The following CD96 variants were observed in gnomAD, a reference collection of about 807,000 sequenced individuals.
CD96 encodes CD96 molecule, also known as T-cell surface protein tactile.
CD96 carries 70 observed loss-of-function variants against 71.3 expected under a neutral mutation model. The observed-to-expected ratio is 0.98, with a 90% CI of 0.81 to 1.20. CD96 has a LOEUF of 1.20. Ranked by LOEUF, CD96 falls within the 50% of genes most tolerant of loss-of-function variation. The pLI is 0.00. For missense variants in CD96, 742 were observed against 677.5 expected (o/e 1.10, Z -1.06); for synonymous variants, 248 against 233.0 (o/e 1.06, Z -0.59).
chr3:111,562,213 T>C (rs1178071796), intron 2 of CD96, among the ~76,000 whole-genome samples: 1 of 152,220 alleles, frequency 6.6e-6, no homozygotes, highest in Non-Finnish European at 1.5e-5. Context: ...CTGTTCCTAT[T>C]CGGCCATCTT....
chr3:111,546,990 G>A (rs986360330), intron 2 of CD96, among the ~76,000 whole-genome samples: 2 of 149,780 alleles, frequency 1.3e-5, no homozygotes, highest in Non-Finnish European at 3.0e-5. Context: ...TTGAAGTAAA[G>A]AGAAATGGAA....
intron 11 of CD96, among the ~76,000 whole-genome samples, chr3:111,637,725 C>T (rs909701880): frequency 3.3e-5 from 5 of 151,974 alleles, no homozygotes; most frequent in Non-Finnish European, 2.9e-5. Context: ...TGGCCTTTTT[C>T]TGTACCACTT....
chr3:111,580,961 C>A (rs1218945194), intron 4 of CD96, among the ~76,000 whole-genome samples: 6 of 152,118 alleles, frequency 3.9e-5, no homozygotes, highest in African/African-American at 1.4e-4. Flanking sequence ...AAGCTGTGTC[C>A]CCTATTGATC....
intron 4 of CD96, among the ~76,000 whole-genome samples, chr3:111,581,113 G>A (rs1419133893): frequency 1.3e-5 from 2 of 151,786 alleles, no homozygotes; most frequent in Non-Finnish European, 2.9e-5. Flanking sequence ...TCACCCTATT[G>A]GATTCTACAG....
At chr3:111,605,646 A>G (rs1037111425) in intron 7 of CD96, among the ~76,000 whole-genome samples, 4 of 152,196 alleles carry the variant, frequency 2.6e-5, no homozygotes, top group Admixed American at 2.6e-4. Context: ...GTAGTGGATC[A>G]GAGCTAGCTA....
chr3:111,591,331 C>T (rs1253490446), intron 5 of CD96, among the ~76,000 whole-genome samples: 2 of 140,580 alleles, frequency 1.4e-5, no homozygotes, highest in Non-Finnish European at 3.0e-5. Flanking sequence ...CAAGATCGCG[C>T]CACTGCACTC....
At chr3:111,566,637 G>A (rs1387425725) in intron 2 of CD96, among the ~76,000 whole-genome samples, 2 of 152,050 alleles carry the variant, frequency 1.3e-5, no homozygotes, top group East Asian at 1.9e-4. Flanking sequence ...AACTTCTTTT[G>A]ATGCTATAGT....
chr3:111,584,502 A>T (rs1936613031), intron 4 of CD96, among the ~76,000 whole-genome samples: 1 of 152,214 alleles, frequency 6.6e-6, no homozygotes, highest in Non-Finnish European at 1.5e-5. Context: ...CTGCTGATAA[A>T]GACATACCCA....
chr3:111,637,300 T>C, intron 11 of CD96, 39 bp downstream of exon 11: 3 of 1,105,644 alleles, frequency 2.7e-6, no homozygotes, highest in Non-Finnish European at 4.2e-6. Context: ...CTGAAGCTAG[T>C]GGTCAGCTTT....
At chr3:111,618,870 C>A (rs1938380715) in intron 8 of CD96, among the ~76,000 whole-genome samples, 1 of 152,046 alleles carries the variant, frequency 6.6e-6, no homozygotes, top group Non-Finnish European at 1.5e-5. Flanking sequence ...TGCGCCCGGC[C>A]TCGCTTTTTT....
In CD96 at chr3:111,651,246, T is replaced by A. The variant is rs1940062139; in HGVS notation, c.*1440T>A. On this transcript the variant is annotated 3_prime_UTR_variant, in exon 14 of 14. Transcript: ENST00000352690. ...CTCTTGTGGTGGCCAGCCTCCAAGA[T>A]GAGCCCCAGTGTTCTTGCCTCCTAC... is the stretch of plus-strand genomic sequence containing the variant. 6.6e-6 allele frequency: 1 copy of A among 152,244 alleles called. No individual in the cohort carries two copies. 9.4% of individuals were successfully genotyped at this position (152,244 alleles called of 1,614,324 possible). A position where few individuals can be genotyped will look rare whatever the true frequency, so the allele number is the denominator to read the frequency against.
chr3:111,641,609 AGAAACAATGGATTTAAACTATACCTT>A (rs1339432613), intron 12 of CD96, among the ~76,000 whole-genome samples: 1 of 152,258 alleles, frequency 6.6e-6, no homozygotes, highest in African/African-American at 2.4e-5. Flanking sequence ...AAATCAACAA[AGAAACAATGGATTTAAACTATACCTT>A]GAAACAAATG....
chr3:111,606,433 T>G (rs1047897676), intron 7 of CD96, among the ~76,000 whole-genome samples: 2 of 152,340 alleles, frequency 1.3e-5, no homozygotes, highest in Non-Finnish European at 2.9e-5. Flanking sequence ...CCCTTCGTTG[T>G]GTTCCTGTGG....
At chr3:111,555,062 A>G (rs561211613) in intron 2 of CD96, among the ~76,000 whole-genome samples, 7 of 152,296 alleles carry the variant, frequency 4.6e-5, no homozygotes, top group African/African-American at 1.7e-4. Context: ...GATGGGGAGT[A>G]GCTGTAAATA....
chr3:111,609,237 A>G (rs1405826401), intron 8 of CD96, among the ~76,000 whole-genome samples: 1 of 152,208 alleles, frequency 6.6e-6, no homozygotes, highest in Non-Finnish European at 1.5e-5. Flanking sequence ...TACCAAAAAA[A>G]CAGGGATGAA....
intron 3 of CD96, among the ~76,000 whole-genome samples, chr3:111,574,081 A>T (rs1936112309): frequency 6.6e-6 from 1 of 152,188 alleles, no homozygotes; most frequent in Non-Finnish European, 1.5e-5. Context: ...GTTTGGAGAA[A>T]AAAGGAGTAG....
At chr3:111,551,667 G>GT (rs1934712854) in intron 2 of CD96, among the ~76,000 whole-genome samples, 1 of 151,968 alleles carries the variant, frequency 6.6e-6, no homozygotes, top group Non-Finnish European at 1.5e-5. Flanking sequence ...CATCACCCAG[G>GT]TATTAAGCCC....
intron 5 of CD96, chr3:111,594,269 G>A (rs545600978): frequency 3.3e-6 from 5 of 1,498,666 alleles, no homozygotes; most frequent in East Asian, 4.6e-5. Flanking sequence ...TGAACCACAA[G>A]ATTAAATATA....
intron 8 of CD96, chr3:111,612,823 G>A (rs1319233216): frequency 2.1e-6 from 2 of 969,404 alleles, no homozygotes; most frequent in Non-Finnish European, 2.5e-6. Flanking sequence ...CCCTTTTTCA[G>A]ACCAGTGTTT....
Sources: allele counts gnomAD v4.1 joint callset (sites outside exome capture counted in the v4.1 genomes callset), GRCh38; gene constraint gnomAD v4.1.1; transcripts MANE v1.5; gene names NCBI Gene and HGNC (gene_info 2026-07-23, HGNC 2026-07-21).